ANO4: variants seen among roughly 807,000 people sequenced by gnomAD.
ANO4 encodes anoctamin 4.
A neutral mutation model predicts 141.9 loss-of-function variants in ANO4; 69 were observed. The observed-to-expected ratio is 0.49, with a 90% CI of 0.40 to 0.59. The LOEUF is 0.59. Among genes scored for constraint, ANO4 ranks in the 20% least tolerant of loss-of-function variants. The probability of loss-of-function intolerance (pLI) is 0.00; values close to 1 mark genes in which losing one functional copy is unlikely to be tolerated. For missense variants in ANO4, 894 were observed against 1,162.2 expected (o/e 0.77, Z 3.36); for synonymous variants, 350 against 394.3 (o/e 0.89, Z 1.33).
Position 100,722,599 on chromosome 12 carries a change from C to T in ANO4, c.22+5052C>T, listed in dbSNP as rs573195969. ...TTCCTCTGGGACTTCTTAGGGTAAG[C>T]CCTTTCCATAGCAGGTTCTAATTTT... On this transcript the variant is annotated intron_variant, in intron 1 of 29. Transcript: ENST00000644049. Among the ~76,000 whole-genome samples, 7 of 152,248 alleles carry T rather than the reference C, an allele frequency of 4.6e-5. No homozygotes were observed. The South Asian group carries it at 1.5e-3, about 32-fold the overall frequency.
chr12:100,780,041 T>TA (rs2033665418), intron 3 of ANO4, among the ~76,000 whole-genome samples: 1 of 152,246 alleles, frequency 6.6e-6, no homozygotes, highest in African/African-American at 2.4e-5. Flanking sequence ...TTGTTTTTTT[T>TA]AAGACAGGGT....
Position 100,764,001 on chromosome 12 carries a change from A to G in ANO4, c.358+23896A>G, listed in dbSNP as rs529427912. On this transcript the variant is annotated intron_variant, in intron 3 of 29. Transcript: ENST00000644049. The stretch of plus-strand genomic sequence containing the variant: ...TCTTGCCTTTGTTTCCTGTTGGGGT[A>G]GAGAATAGCAGGATGTAGTACTTGG... Among the ~76,000 whole-genome samples the G allele has an allele frequency of 2.0e-5, 3 of 152,214 alleles. No individual in the cohort carries two copies. In the East Asian group the frequency reaches 5.8e-4, roughly 29 times the overall value.
In ANO4 at chr12:101,068,368, G is replaced by T; in HGVS notation, c.1313-10825G>T. On this transcript the variant is annotated intron_variant, in intron 14 of 27. Coordinates refer to ENST00000392977, the MANE Select transcript of ANO4 (RefSeq NM_001286615.2). ...AACTGGGAGAAGGTAAAGGGTCTTT[G>T]ACCAAAGAAGAATTTGCCAAGATGA... 4.7e-6 allele frequency: 5 copies of T among 1,053,498 alleles called. No homozygotes were observed. In the South Asian group the frequency reaches 5.0e-5, roughly 11 times the overall value. 65.3% of individuals were successfully genotyped at this position (1,053,498 alleles called of 1,614,324 possible).
At chr12:100,954,408 C>T (rs1187082727) in intron 5 of ANO4, among the ~76,000 whole-genome samples, 1 of 152,152 alleles carries the variant, frequency 6.6e-6, no homozygotes, top group Non-Finnish European at 1.5e-5. Flanking sequence ...CTTCAAACCT[C>T]AAATCTGCCT....
intron 1 of ANO4, among the ~76,000 whole-genome samples, chr12:100,844,301 A>G (rs1413069279): frequency 6.6e-6 from 1 of 152,084 alleles, no homozygotes; most frequent in African/African-American, 2.4e-5. Flanking sequence ...CTCTGAGGGG[A>G]AACTGGATTT....
chr12:101,042,519 C>CT, intron 12 of ANO4, 51 bp downstream of exon 12: 1 of 1,605,000 alleles, frequency 6.2e-7, no homozygotes, highest in Non-Finnish European at 8.5e-7. Flanking sequence ...TTAGAGGTGG[C>CT]TGTTTGCACT....
At chr12:101,085,394 G>A (rs1471136673) in intron 16 of ANO4, among the ~76,000 whole-genome samples, 3 of 152,112 alleles carry the variant, frequency 2.0e-5, no homozygotes, top group African/African-American at 7.2e-5. Flanking sequence ...AAGGTTAGTT[G>A]TAGCTGTACT....
intron 1 of ANO4, among the ~76,000 whole-genome samples, chr12:100,871,544 T>A (rs767448648): frequency 1.3e-5 from 2 of 152,254 alleles, no homozygotes; most frequent in African/African-American, 2.4e-5. Context: ...TTTTTCCTTC[T>A]GTAGACTGAA....
intron 3 of ANO4, among the ~76,000 whole-genome samples, chr12:100,930,593 T>G (rs2042052579): frequency 6.6e-6 from 1 of 152,164 alleles, no homozygotes; most frequent in Non-Finnish European, 1.5e-5. Flanking sequence ...ATGAATATTT[T>G]TTTTAAATCT....
intron 7 of ANO4, among the ~76,000 whole-genome samples, chr12:100,979,329 G>A (rs1435313709): frequency 1.3e-5 from 2 of 152,064 alleles, no homozygotes; most frequent in African/African-American, 4.8e-5. Flanking sequence ...TAAAAACACG[G>A]ATCACTGGGC....
intron 5 of ANO4, among the ~76,000 whole-genome samples, chr12:100,948,677 G>C (rs114934550): frequency 4.6e-4 from 70 of 152,248 alleles, no homozygotes; most frequent in African/African-American, 1.5e-3. Context: ...GACAAAAATT[G>C]TGAAGGTGGC....
chr12:101,060,804 C>T (rs1445171911), intron 14 of ANO4, among the ~76,000 whole-genome samples: 1 of 152,066 alleles, frequency 6.6e-6, no homozygotes, highest in African/African-American at 2.4e-5. Context: ...GAATACAGCA[C>T]ACAGATGGGT....
intron 2 of ANO4, among the ~76,000 whole-genome samples, chr12:100,911,401 T>G (rs547741249): frequency 6.6e-6 from 1 of 152,300 alleles, no homozygotes; most frequent in South Asian, 2.1e-4. Context: ...AAAATTTAAA[T>G]TAAAAGCCCT....
intron 5 of ANO4, among the ~76,000 whole-genome samples, chr12:100,957,232 T>C (rs1020577518): frequency 1.3e-5 from 2 of 152,100 alleles, no homozygotes; most frequent in Non-Finnish European, 2.9e-5. Context: ...TGGCAGAAGG[T>C]CAAAGTGGAA....
chr12:100,943,401 T>C (rs2042592946), intron 5 of ANO4, among the ~76,000 whole-genome samples: 1 of 152,254 alleles, frequency 6.6e-6, no homozygotes, highest in South Asian at 2.1e-4. Context: ...TTTCTTTGTA[T>C]GATACAGTTG....
intron 8 of ANO4, among the ~76,000 whole-genome samples, chr12:100,994,840 G>A (rs1195760070): frequency 6.6e-6 from 1 of 152,142 alleles, no homozygotes. Flanking sequence ...GGGTGTAACT[G>A]GTAATAAATT....
chr12:100,906,644 GA>G (rs2040856905), intron 2 of ANO4, among the ~76,000 whole-genome samples: 1 of 152,230 alleles, frequency 6.6e-6, no homozygotes, highest in African/African-American at 2.4e-5. Context: ...GTAGCTTTGG[GA>G]AGAATGATAA....
intron 8 of ANO4, among the ~76,000 whole-genome samples, chr12:100,992,065 C>A (rs919391832): frequency 2.0e-5 from 3 of 152,130 alleles, no homozygotes; most frequent in Non-Finnish European, 4.4e-5. Flanking sequence ...GATTTTACAT[C>A]CTAAATATCT....
intron 1 of ANO4, among the ~76,000 whole-genome samples, chr12:100,891,779 ACT>A (rs1187873251): frequency 5.3e-5 from 8 of 152,248 alleles, no homozygotes; most frequent in South Asian, 2.1e-4. Context: ...GCTTAAAATT[ACT>A]CTGTTAGTGA....
Sources: allele counts gnomAD v4.1 joint callset (sites outside exome capture counted in the v4.1 genomes callset), GRCh38; gene constraint gnomAD v4.1.1; transcripts MANE v1.5; gene names NCBI Gene and HGNC (gene_info 2026-07-23, HGNC 2026-07-21).